The following SMAD4 variants were observed in gnomAD, a reference collection of about 807,000 sequenced individuals.
The protein encoded by SMAD4 is MAD homolog 4.
In SMAD4, 7 loss-of-function variants were observed where a neutral mutation model predicts 63.2. The ratio of observed to expected loss-of-function variants is 0.11; its 90% CI spans 0.06 to 0.21. The LOEUF is 0.21. SMAD4 is among the 10% of genes least tolerant of loss of function. The pLI, the probability that SMAD4 is intolerant of heterozygous loss-of-function variation, is 1.00. For missense variants in SMAD4, 312 were observed against 693.8 expected, an observed-to-expected ratio of 0.45 and a Z score of 6.18; for synonymous variants, 215 against 235.4, an observed-to-expected ratio of 0.91 and a Z score of 0.79.
Position 51,080,502 on chromosome 18 carries a change from A to G in SMAD4, c.*2035A>G. ...GAATAACAGATTTTTAAAAATCCAG[A>G]TGATTTGATTAAAACCTTAATCATA... On this transcript the variant is annotated 3_prime_UTR_variant, in exon 12 of 12. Transcript: ENST00000342988. 4.5e-6 allele frequency: 1 copy of G among 220,782 alleles called. No homozygotes were observed. Among genetic ancestry groups the G allele is most frequent in the East Asian group, 6.7e-5 (1 of 14,934 alleles). 13.7% of individuals were successfully genotyped at this position (220,782 alleles called of 1,614,324 possible).
intron 4 of SMAD4, 113 bp downstream of exon 4, chr18:51,049,437 TA>T: frequency 1.3e-6 from 1 of 783,120 alleles, no homozygotes; most frequent in Non-Finnish European, 2.3e-6. Flanking sequence ...AACAAGAAAA[TA>T]ACTTACTGCT....
In SMAD4 at chr18:51,084,427, T is replaced by C; in HGVS notation, c.*5960T>C. On this transcript the variant is annotated 3_prime_UTR_variant, in exon 12 of 12. Coordinates refer to ENST00000342988, the MANE Select transcript of SMAD4 (RefSeq NM_005359.6). ...TTGGCTGGATCATTCAGAGCTCTCTTCTAGCCTACCCTTGGATGAGTACAA... is the reference window on the plus strand; with the variant it reads ...TTGGCTGGATCATTCAGAGCTCTCTCCTAGCCTACCCTTGGATGAGTACAA... 1 of 227,038 alleles carries C rather than the reference T, an allele frequency of 4.4e-6. No homozygotes were observed. The highest frequency in any genetic ancestry group is 8.8e-6 in the Non-Finnish European group (1 of 114,220). The allele number at this position is 227,038 out of a possible 1,614,324, so 14.1% of individuals were successfully genotyped here.
chr18:51,079,615 T>A lies in SMAD4; in HGVS notation c.*1148T>A, dbSNP rs1369789072. ...AAGACTGCAAACTTTTTTATATCTT[T>A]TGGTTATTCTAAGCCCTTTGCCATC... On this transcript the variant is annotated 3_prime_UTR_variant, in exon 12 of 12. Transcript: ENST00000342988. 5 of 233,324 alleles carry A rather than the reference T, an allele frequency of 2.1e-5. No homozygotes were observed. The highest frequency in any genetic ancestry group is 4.2e-5 in the Non-Finnish European group (5 of 117,950). 14.5% of individuals were successfully genotyped at this position (233,324 alleles called of 1,614,324 possible).
rs77930705 is a variant in SMAD4 at position 51,063,375 on chromosome 18, G to A, written c.956-2048G>A. ...AAGCTTCTTGTCCATAGCATAATGTGATACCTTCACATTACATTTTCTATA... is the reference window on the plus strand; with the variant it reads ...AAGCTTCTTGTCCATAGCATAATGTAATACCTTCACATTACATTTTCTATA... On this transcript the variant is annotated intron_variant, in intron 8 of 11. Transcript: ENST00000342988. 2.4e-3 allele frequency among the ~76,000 whole-genome samples: 359 copies of A among 151,938 alleles called. 2 individuals are homozygous for A. Among genetic ancestry groups the A allele is most frequent in the African/African-American group, 8.2e-3 (341 of 41,430 alleles).
At chr18:51,036,729 C>G (rs1043999197) in intron 1 of SMAD4, among the ~76,000 whole-genome samples, 2 of 152,128 alleles carry the variant, frequency 1.3e-5, no homozygotes, top group Non-Finnish European at 2.9e-5. Flanking sequence ...CCTCAGACTT[C>G]CAGAGTGTTT....
intron 1 of SMAD4, among the ~76,000 whole-genome samples, chr18:51,043,378 G>T (rs570825563): frequency 6.6e-6 from 1 of 152,274 alleles, no homozygotes; most frequent in South Asian, 2.1e-4. Flanking sequence ...GTCAGGGCAG[G>T]TGTTTCCATT....
chr18:51,049,559 TAA>T, intron 4 of SMAD4: 1 of 470,514 alleles, frequency 2.1e-6, no homozygotes, highest in East Asian at 3.3e-5. Flanking sequence ...TAAAGTACTG[TAA>T]AAAAATATGA....
chr18:51,054,075 A>G (rs1159876739), intron 4 of SMAD4: 4 of 152,358 alleles, frequency 2.6e-5, no homozygotes, highest in African/African-American at 9.6e-5. Flanking sequence ...GCTGGAATCT[A>G]GCTTTGCTTA....
Position 51,082,015 on chromosome 18 carries a change from AG to A in SMAD4, c.*3549del, listed in dbSNP as rs1910623294. ...TTGGGAGAAGCAGTTTTATTCTCTGAGTGGAACAGAGTTCTTTTTGTTGATA... is the reference window on the plus strand; with the variant it reads ...TTGGGAGAAGCAGTTTTATTCTCTGATGGAACAGAGTTCTTTTTGTTGATA... On this transcript the variant is annotated 3_prime_UTR_variant, in exon 12 of 12. Coordinates refer to ENST00000342988, the MANE Select transcript of SMAD4 (RefSeq NM_005359.6). 4.3e-6 allele frequency: 1 copy of A among 231,468 alleles called. No individual in the cohort carries two copies. Among genetic ancestry groups the A allele is most frequent in the Non-Finnish European group, 8.5e-6 (1 of 117,076 alleles). 14.3% of individuals were successfully genotyped at this position (231,468 alleles called of 1,614,324 possible).
rs1568212644 is a variant in SMAD4 at position 51,082,338 on chromosome 18, A to G, written c.*3871A>G. The G allele has an allele frequency of 4.4e-6, 1 of 227,536 alleles. No individual in the cohort carries two copies. Among genetic ancestry groups the G allele is most frequent in the Admixed American group, 5.7e-5 (1 of 17,570 alleles). The allele number at this position is 227,536 out of a possible 1,614,324, so 14.1% of individuals were successfully genotyped here. ...ATGACAATCTTGTTCAAGCCTTTCC[A>G]TTTTTTTCCCTGATAACTAAGTAAT... On this transcript the variant is annotated 3_prime_UTR_variant, in exon 12 of 12. Coordinates refer to ENST00000342988, the MANE Select transcript of SMAD4 (RefSeq NM_005359.6).
rs1386808024 is a variant in SMAD4 at position 51,084,804 on chromosome 18, G to C, written c.*6337G>C. 4.3e-6 allele frequency: 1 copy of C among 230,126 alleles called. No homozygotes were observed. The highest frequency in any genetic ancestry group is 8.6e-6 in the Non-Finnish European group (1 of 116,182). 14.3% of individuals were successfully genotyped at this position (230,126 alleles called of 1,614,324 possible). A position where few individuals can be genotyped will look rare whatever the true frequency, so the allele number is the denominator to read the frequency against. ...GGGGTTGGGGACAGATTTGGTGGTGGTATTTCCCAACTGTTTCCTCCCCTA... is the reference window on the plus strand; with the variant it reads ...GGGGTTGGGGACAGATTTGGTGGTGCTATTTCCCAACTGTTTCCTCCCCTA... On this transcript the variant is annotated 3_prime_UTR_variant, in exon 12 of 12. Coordinates refer to ENST00000342988, the MANE Select transcript of SMAD4 (RefSeq NM_005359.6).
intron 1 of SMAD4, among the ~76,000 whole-genome samples, chr18:51,037,855 T>G (rs1352697968): frequency 6.6e-6 from 1 of 152,162 alleles, no homozygotes. Flanking sequence ...GAGGAGAACA[T>G]TTATAGCCAG....
intron 4 of SMAD4, 65 bp downstream of exon 4, chr18:51,049,389 C>A (rs2144408013): frequency 8.1e-7 from 1 of 1,231,496 alleles, no homozygotes; most frequent in Non-Finnish European, 1.2e-6. Context: ...TTTTTGTTGA[C>A]CTAGAATTAG....
intron 4 of SMAD4, chr18:51,051,359 A>G (rs1013591187): frequency 6.6e-6 from 3 of 456,114 alleles, no homozygotes; most frequent in African/African-American, 2.0e-5. Context: ...CTCAGAAAAC[A>G]ACTGGTATTT....
At chr18:51,056,470 G>A (rs1300412938) in intron 5 of SMAD4, among the ~76,000 whole-genome samples, 1 of 151,790 alleles carries the variant, frequency 6.6e-6, no homozygotes, top group African/African-American at 2.4e-5. Flanking sequence ...GTGTCAAAAT[G>A]TTCCCTTATG....
intron 1 of SMAD4, among the ~76,000 whole-genome samples, chr18:51,038,650 T>A (rs368922277): frequency 7.9e-4 from 120 of 152,366 alleles, no homozygotes; most frequent in African/African-American, 2.7e-3. Context: ...TCCAGCTGTC[T>A]CCTATTAAGC....
chr18:51,044,294 A>G (rs1909475043), intron 1 of SMAD4, among the ~76,000 whole-genome samples: 1 of 152,126 alleles, frequency 6.6e-6, no homozygotes, highest in Admixed American at 6.5e-5. Context: ...ACAAGCCCAC[A>G]CTACCATGCC....
Position 51,054,771 on chromosome 18 carries a change from T to G in SMAD4, c.455-10T>G. The G allele has an allele frequency of 6.3e-7, 1 of 1,592,998 alleles. No individual in the cohort carries two copies. On this transcript the variant is annotated splice_polypyrimidine_tract_variant and intron_variant, in intron 4 of 11. Transcript: ENST00000342988. Reference sequence around the variant, plus strand: ...ATAAAAATTTAAAATATGTTTAATTTTCTATATAGCTCCATCAAGTATGAT... The same window carrying G: ...ATAAAAATTTAAAATATGTTTAATTGTCTATATAGCTCCATCAAGTATGAT...
At chr18:51,063,570 G>A (rs1352427632) in intron 8 of SMAD4, among the ~76,000 whole-genome samples, 1 of 151,902 alleles carries the variant, frequency 6.6e-6, no homozygotes, top group African/African-American at 2.4e-5. Context: ...ACACAACCAC[G>A]CCCAGCCAAT....
Sources: gnomAD v4.1 joint callset for allele counts (sites outside exome capture counted in the v4.1 genomes callset) on GRCh38, gnomAD v4.1.1 for gene constraint, MANE v1.5 for transcripts, NCBI Gene and HGNC (gene_info 2026-07-23, HGNC 2026-07-21) for gene names.